Variants in PRDM1 observed in about 807,000 individuals in gnomAD.
PRDM1 encodes PR/SET domain 1.
Under a neutral mutation model 62.8 loss-of-function variants are expected in PRDM1, and 13 were observed. The observed-to-expected ratio is 0.21, with a 90% CI of 0.13 to 0.33. PRDM1 has a LOEUF of 0.33. PRDM1 is among the 10% of genes least tolerant of loss of function. The pLI is 1.00. For missense variants in PRDM1, 895 were observed against 1,058.8 expected (o/e 0.85, Z 2.15); for synonymous variants, 396 against 417.6 (o/e 0.95, Z 0.63).
intron 2 of PRDM1, among the ~76,000 whole-genome samples, chr6:106,092,559 A>G (rs1032498399): frequency 2.0e-5 from 3 of 152,234 alleles, no homozygotes; most frequent in African/African-American, 7.2e-5. Context: ...TTTAAGCTAC[A>G]CACCAAGTTC....
At chr6:106,071,515 C>T (rs527924149) in intron 1 of PRDM1, among the ~76,000 whole-genome samples, 2 of 152,230 alleles carry the variant, frequency 1.3e-5, no homozygotes, top group African/African-American at 4.8e-5. Context: ...CTGGATATTG[C>T]ATTGCTGTAC....
intron 1 of PRDM1, among the ~76,000 whole-genome samples, chr6:106,074,289 C>A (rs537013282): frequency 1.3e-5 from 2 of 152,238 alleles, no homozygotes; most frequent in African/African-American, 4.8e-5. Flanking sequence ...CAATTTCTTC[C>A]TTTATGAAAT....
chr6:106,059,207 A>C (rs577891322), intron 1 of PRDM1, among the ~76,000 whole-genome samples: 8 of 152,314 alleles, frequency 5.3e-5, no homozygotes, highest in African/African-American at 1.7e-4. Context: ...GGTAAGATAA[A>C]AAAGAGTGAT....
chr6:106,087,154 T>C (rs773322322), intron 1 of PRDM1, among the ~76,000 whole-genome samples: 1 of 152,240 alleles, frequency 6.6e-6, no homozygotes, highest in Non-Finnish European at 1.5e-5. Flanking sequence ...AGAAAACCCT[T>C]ACAGAAGTTG....
At chr6:106,063,901 A>G (rs899237862) in intron 1 of PRDM1, among the ~76,000 whole-genome samples, 1 of 152,242 alleles carries the variant, frequency 6.6e-6, no homozygotes, top group Non-Finnish European at 1.5e-5. Flanking sequence ...ATGTTTTAAC[A>G]GAGTGCAGAA....
chr6:105,993,581 C>A (rs965825270), exon 1 of PRDM1, among the ~76,000 whole-genome samples: 1 of 152,194 alleles, frequency 6.6e-6, no homozygotes, highest in Admixed American at 6.5e-5. Context: ...TCTTCAGGAG[C>A]GGGCTGAGCT....
chr6:106,016,675 G>C (rs1278274967), intron 1 of PRDM1, among the ~76,000 whole-genome samples: 4 of 114,328 alleles, frequency 3.5e-5, no homozygotes, highest in African/African-American at 1.4e-4. Context: ...TTGAGACAAA[G>C]TCTCGCTCTG....
chr6:106,064,883 G>T lies in PRDM1; in HGVS notation c.-67+16169G>T, dbSNP rs186153716. On this transcript the variant is annotated intron_variant, in intron 1 of 6. Transcript: ENST00000651185. ...CACTGAATTGCTTTTTGAATTTGGG[G>T]CAGTTGCTTAACTGAATCACCGTTT... Among the ~76,000 whole-genome samples the T allele has an allele frequency of 6.4e-4, 98 of 152,274 alleles. 1 individual carries two copies. The highest frequency in any genetic ancestry group is 2.9e-5 in the Non-Finnish European group (2 of 68,020).
chr6:106,030,253 C>A (rs1429380011), intron 1 of PRDM1, among the ~76,000 whole-genome samples: 1 of 152,164 alleles, frequency 6.6e-6, no homozygotes, highest in Admixed American at 6.5e-5. Context: ...ACTATAACTT[C>A]AAACTCCAGA....
At chr6:106,025,077 A>G (rs2114562295) in intron 1 of PRDM1, among the ~76,000 whole-genome samples, 1 of 152,360 alleles carries the variant, frequency 6.6e-6, no homozygotes, top group South Asian at 2.1e-4. Context: ...AAAAATAAAT[A>G]GTGCTGTATA....
At chr6:106,003,834 C>T (rs1278923000) in intron 1 of PRDM1, among the ~76,000 whole-genome samples, 1 of 152,134 alleles carries the variant, frequency 6.6e-6, no homozygotes, top group East Asian at 1.9e-4. Flanking sequence ...TGAGTGTACT[C>T]GGTTCTCAAG....
intron 1 of PRDM1, among the ~76,000 whole-genome samples, chr6:106,067,712 G>A (rs888120317): frequency 4.6e-5 from 7 of 152,164 alleles, no homozygotes; most frequent in African/African-American, 1.4e-4. Flanking sequence ...ACCAGGGGCC[G>A]GGGAAAGGGA....
At chr6:106,094,580 C>T (rs187995005) in intron 2 of PRDM1, among the ~76,000 whole-genome samples, 4 of 152,184 alleles carry the variant, frequency 2.6e-5, no homozygotes, top group South Asian at 2.1e-4. Context: ...TTAGAACCTA[C>T]AGCTTTCCTC....
chr6:106,086,438 C>T lies in PRDM1; in HGVS notation c.-116C>T, dbSNP rs756576797. ...CCGCCCGGAGCTGGGACGCGGGCGC[C>T]CGGGCGGCCGGACGAAGCGAGGAGG... On this transcript the variant is annotated 5_prime_UTR_variant, in exon 1 of 7. Coordinates refer to ENST00000369096, the MANE Select transcript of PRDM1 (RefSeq NM_001198.4). 4.8e-5 allele frequency: 48 copies of T among 1,009,650 alleles called. No homozygotes were observed. Among genetic ancestry groups the T allele is most frequent in the Non-Finnish European group, 6.8e-5 (47 of 686,898 alleles). The allele number at this position is 1,009,650 out of a possible 1,614,324, so 62.5% of individuals were successfully genotyped here.
At chr6:106,021,463 G>A (rs189687809) in intron 1 of PRDM1, among the ~76,000 whole-genome samples, 1 of 152,264 alleles carries the variant, frequency 6.6e-6, no homozygotes, top group Non-Finnish European at 1.5e-5. Flanking sequence ...AGACAGGGTT[G>A]GTTTTCTCTG....
chr6:106,061,928 A>G (rs1773351138), intron 1 of PRDM1, among the ~76,000 whole-genome samples: 2 of 152,218 alleles, frequency 1.3e-5, no homozygotes, highest in African/African-American at 4.8e-5. Flanking sequence ...TATTCAGGAG[A>G]GGATCTATCC....
At chr6:106,011,827 C>T (rs999326491) in intron 1 of PRDM1, among the ~76,000 whole-genome samples, 2 of 152,002 alleles carry the variant, frequency 1.3e-5, no homozygotes, top group African/African-American at 2.4e-5. Context: ...CACCCCCACA[C>T]ATTCACACAC....
chr6:105,992,830 T>C (rs1295085407), upstream of PRDM1, among the ~76,000 whole-genome samples: 1 of 152,192 alleles, frequency 6.6e-6, no homozygotes, highest in Non-Finnish European at 1.5e-5. Context: ...GCACAATCAC[T>C]CGTCAACCGC....
chr6:106,003,804 A>G (rs2086711295), intron 1 of PRDM1, among the ~76,000 whole-genome samples: 1 of 152,124 alleles, frequency 6.6e-6, no homozygotes, highest in South Asian at 2.1e-4. Flanking sequence ...CCAGGTCCAG[A>G]TCTTACTTAT....
Sources: allele counts gnomAD v4.1 joint callset (sites outside exome capture counted in the v4.1 genomes callset), GRCh38; gene constraint gnomAD v4.1.1; transcripts MANE v1.5; gene names NCBI Gene and HGNC (gene_info 2026-07-23, HGNC 2026-07-21).